Variants in IL36B observed in about 807,000 individuals in gnomAD.
The protein encoded by IL36B is interleukin-36 beta.
IL36B carries 23 observed loss-of-function variants against 19.3 expected under a neutral mutation model. That is an observed-to-expected ratio of 1.19 (90% CI 0.86 to 1.69). The LOEUF is 1.69. Ranked by LOEUF, IL36B falls within the 40% of genes most tolerant of loss-of-function variation. The probability of loss-of-function intolerance (pLI) is 0.00; values close to 1 mark genes in which losing one functional copy is unlikely to be tolerated. For missense variants in IL36B, 217 were observed against 200.5 expected (o/e 1.08, Z -0.50); for synonymous variants, 59 against 59.7 (o/e 0.99, Z 0.05).
chr2:113,032,021 T>C (rs1384974533), intron 1 of IL36B, among the ~76,000 whole-genome samples: 3 of 152,160 alleles, frequency 2.0e-5, no homozygotes, highest in Non-Finnish European at 4.4e-5. Context: ...TGCTTTCCAT[T>C]AATCACATCT....
At chr2:113,023,868 C>A (rs947557396) in intron 5 of IL36B, among the ~76,000 whole-genome samples, 21 of 152,252 alleles carry the variant, frequency 1.4e-4, no homozygotes, top group African/African-American at 3.9e-4. Flanking sequence ...TTTCTTGCCC[C>A]TAATTCACAT....
chr2:113,046,665 G>A (rs1023551758), intron 1 of IL36B, among the ~76,000 whole-genome samples: 11 of 152,022 alleles, frequency 7.2e-5, no homozygotes, highest in Non-Finnish European at 1.5e-4. Flanking sequence ...AAATAGATTC[G>A]GATTTGTCTG....
chr2:113,028,107 AT>A (rs1317902004), intron 4 of IL36B: 4 of 1,613,610 alleles, frequency 2.5e-6, no homozygotes, highest in East Asian at 2.2e-5. Context: ...GGTCCATGAT[AT>A]TTTTTTCCTG....
chr2:113,049,545 C>T (rs1157494841), intron 1 of IL36B, among the ~76,000 whole-genome samples: 2 of 152,326 alleles, frequency 1.3e-5, no homozygotes, highest in Non-Finnish European at 2.9e-5. Context: ...GGGTGCTCAA[C>T]ATCCCTAATA....
At chr2:113,039,573 G>A (rs1280177849) in intron 1 of IL36B, among the ~76,000 whole-genome samples, 1 of 150,756 alleles carries the variant, frequency 6.6e-6, no homozygotes, top group Non-Finnish European at 1.5e-5. Flanking sequence ...AGGGGAGGAT[G>A]AACAAAGGAA....
intron 1 of IL36B, among the ~76,000 whole-genome samples, chr2:113,039,774 C>T (rs1685223410): frequency 6.6e-6 from 1 of 152,214 alleles, no homozygotes; most frequent in Non-Finnish European, 1.5e-5. Context: ...CTTCTTAAAA[C>T]AGAAAGGCAC....
intron 1 of IL36B, among the ~76,000 whole-genome samples, chr2:113,048,439 C>G (rs1202524397): frequency 6.6e-6 from 1 of 151,972 alleles, no homozygotes; most frequent in African/African-American, 2.4e-5. Flanking sequence ...GAGACTCTGC[C>G]TCAAACAAAA....
At chr2:113,047,184 A>G (rs973322459) in intron 1 of IL36B, among the ~76,000 whole-genome samples, 1 of 152,008 alleles carries the variant, frequency 6.6e-6, no homozygotes, top group Non-Finnish European at 1.5e-5. Flanking sequence ...TTTTTTAAGT[A>G]TTTCCTTACT....
chr2:113,041,838 G>A (rs974241182), intron 1 of IL36B, among the ~76,000 whole-genome samples: 1 of 152,180 alleles, frequency 6.6e-6, no homozygotes. Flanking sequence ...AGGCAGCCTT[G>A]AACTCCTGGG....
chr2:113,037,090 T>C (rs1350906727), intron 1 of IL36B, among the ~76,000 whole-genome samples: 1 of 152,230 alleles, frequency 6.6e-6, no homozygotes, highest in Non-Finnish European at 1.5e-5. Context: ...AAGAACCAGG[T>C]GGCCGCTCCC....
intron 1 of IL36B, among the ~76,000 whole-genome samples, chr2:113,044,458 ATT>A (rs201159655): frequency 6.6e-6 from 1 of 151,604 alleles, no homozygotes; most frequent in Non-Finnish European, 1.5e-5. Flanking sequence ...ATGTTCAGCT[ATT>A]TTTTTTATTT....
In IL36B at chr2:113,028,832, T is replaced by C. The variant is rs1685012832; in HGVS notation, c.261+107A>G. ...GCCAGGTCAGAATTATTTCCTTACATTGAATAGTCCAGGGTTGCAAGCATA... is the reference window on the plus strand; with the variant it reads ...GCCAGGTCAGAATTATTTCCTTACACTGAATAGTCCAGGGTTGCAAGCATA... On this transcript the variant is annotated intron_variant, in intron 4 of 5. Transcript: ENST00000259213. 14 of 1,182,332 alleles carry C rather than the reference T, an allele frequency of 1.2e-5. No homozygotes were observed. The South Asian group carries it at 2.6e-4, about 22-fold the overall frequency. The allele number at this position is 1,182,332 out of a possible 1,614,324, so 73.2% of individuals were successfully genotyped here.
chr2:113,030,445 T>C (rs1685050383), intron 3 of IL36B, among the ~76,000 whole-genome samples: 1 of 152,096 alleles, frequency 6.6e-6, no homozygotes, highest in African/African-American at 2.4e-5. Context: ...AGTTTTGCTA[T>C]GATTGGCACA....
Position 113,052,265 on chromosome 2 carries a change from C to T in IL36B, c.-58+552G>A, listed in dbSNP as rs369323280. Among the ~76,000 whole-genome samples the T allele has an allele frequency of 5.3e-5, 8 of 152,110 alleles. No individual in the cohort carries two copies. The East Asian group carries it at 5.8e-4, about 11-fold the overall frequency. Reference sequence around the variant, plus strand: ...GCACCTGGCTGGTTTCTATTATCTTCTTAGAAAGCCTGTTGGTCCTTTGTG... The same window carrying T: ...GCACCTGGCTGGTTTCTATTATCTTTTTAGAAAGCCTGTTGGTCCTTTGTG... On this transcript the variant is annotated intron_variant, in intron 1 of 5. Transcript: ENST00000259213.
intron 1 of IL36B, among the ~76,000 whole-genome samples, chr2:113,036,108 C>T (rs1685163666): frequency 6.6e-6 from 1 of 152,082 alleles, no homozygotes; most frequent in Non-Finnish European, 1.5e-5. Flanking sequence ...CCACACCTGG[C>T]TAATTTTTGT....
At chr2:113,030,737 T>A (rs1367526330) in intron 3 of IL36B, among the ~76,000 whole-genome samples, 1 of 152,188 alleles carries the variant, frequency 6.6e-6, no homozygotes, top group African/African-American at 2.4e-5. Context: ...CAGGTAGCAA[T>A]GGTTGGAACC....
At chr2:113,030,669 C>A (rs1165379966) in intron 3 of IL36B, among the ~76,000 whole-genome samples, 1 of 152,114 alleles carries the variant, frequency 6.6e-6, no homozygotes, top group African/African-American at 2.4e-5. Context: ...AGGATGCCAA[C>A]TTAGAAAGCT....
intron 1 of IL36B, among the ~76,000 whole-genome samples, chr2:113,038,931 G>A (rs192769267): frequency 6.6e-6 from 1 of 152,294 alleles, no homozygotes; most frequent in East Asian, 1.9e-4. Context: ...TACAGTGAGT[G>A]ACTCAGTGGG....
Position 113,031,741 on chromosome 2 carries a change from A to G in IL36B, c.-32T>C, listed in dbSNP as rs1466685367. The G allele has an allele frequency of 1.2e-5, 19 of 1,569,350 alleles. No homozygotes were observed. The South Asian group carries it at 1.4e-4, about 12-fold the overall frequency. ...TTCAGAGCCTTTTGTGAAGAGAACA[A>G]GATAGATCAGATGGTGGTGAGGAGG... On this transcript the variant is annotated 5_prime_UTR_variant, in exon 2 of 6. Coordinates refer to ENST00000259213, the MANE Select transcript of IL36B (RefSeq NM_014438.5).
Sources: gnomAD v4.1 joint callset for allele counts (sites outside exome capture counted in the v4.1 genomes callset) on GRCh38, gnomAD v4.1.1 for gene constraint, MANE v1.5 for transcripts, NCBI Gene and HGNC (gene_info 2026-07-23, HGNC 2026-07-21) for gene names.